Variants in REPS1 observed in about 807,000 individuals in gnomAD.
REPS1 encodes the protein ralBP1-associated Eps domain-containing protein 1.
A neutral mutation model predicts 100.9 loss-of-function variants in REPS1; 39 were observed. The observed-to-expected ratio is 0.39, with a 90% confidence interval of 0.30 to 0.50. REPS1 has a LOEUF of 0.50. Among genes scored for constraint, REPS1 ranks in the 20% least tolerant of loss-of-function variants. REPS1 has a pLI of 0.86. For synonymous variants in REPS1, 324 were observed against 340.3 expected, an observed-to-expected ratio of 0.95 and a Z score of 0.53; for missense variants, 821 against 968.5, an observed-to-expected ratio of 0.85 and a Z score of 2.02.
chr6:138,968,837 C>T (rs1302061692), intron 1 of REPS1, among the ~76,000 whole-genome samples: 2 of 151,976 alleles, frequency 1.3e-5, no homozygotes, highest in African/African-American at 2.4e-5. Flanking sequence ...AATATGAGAA[C>T]GGTGTTAAAA....
At chr6:138,958,519 C>CT (rs397762620) in intron 1 of REPS1, among the ~76,000 whole-genome samples, 1 of 151,766 alleles carries the variant, frequency 6.6e-6, no homozygotes, top group African/African-American at 2.4e-5. Flanking sequence ...CCCAACAGGC[C>CT]TGGTGTGTGT....
At chr6:138,978,649 T>C (rs1168072947) in intron 1 of REPS1, among the ~76,000 whole-genome samples, 1 of 152,122 alleles carries the variant, frequency 6.6e-6, no homozygotes, top group African/African-American at 2.4e-5. Context: ...TGGTGACTCT[T>C]TTCTTAAGTT....
Position 138,976,160 on chromosome 6 carries a change from T to C in REPS1, c.153+11370A>G, listed in dbSNP as rs558656803. Among the ~76,000 whole-genome samples, 5 of 152,282 alleles carry C rather than the reference T, an allele frequency of 3.3e-5. No individual in the cohort carries two copies. The Middle Eastern group carries it at 0.01, about 311-fold the overall frequency. On this transcript the variant is annotated intron_variant, in intron 1 of 19. Coordinates refer to ENST00000450536, the MANE Select transcript of REPS1 (RefSeq NM_001286611.2). ...GAAGTCAAACCTATGATCCTTCCAG[T>C]CACAAATGAGACACCAAAAAAAAAC...
chr6:138,905,821 T>A (rs898865585), intron 19 of REPS1, among the ~76,000 whole-genome samples: 3 of 152,204 alleles, frequency 2.0e-5, no homozygotes, highest in Non-Finnish European at 4.4e-5. Context: ...AACTCCTAGA[T>A]CTCATTTTGA....
At chr6:138,981,432 T>C (rs1419638424) in intron 1 of REPS1, among the ~76,000 whole-genome samples, 5 of 152,202 alleles carry the variant, frequency 3.3e-5, no homozygotes, top group Non-Finnish European at 7.3e-5. Context: ...AAATAAAACC[T>C]ATATAAGGGA....
rs140617448 is a variant in REPS1, at chr6:138,912,789, G to A, written c.1947C>T (p.Ala649=). Residue 649 remains alanine (A), a synonymous_variant, in exon 16 of 20, where the codon GCC becomes GCT. Transcript: ENST00000450536. ...SNVNDEQDDE[A]EKHPEVLPAE... is the part of the protein sequence containing the mutation. ...CCGGCAGGACTTCTGGATGTTTCTC[G>A]GCTTCATCATCTTGTTCGTCGTTTA... 4.1e-4 allele frequency: 659 copies of A among 1,613,968 alleles called. 5 individuals carry two copies. The highest frequency in any genetic ancestry group is 1.0e-4 in the Admixed American group (6 of 59,986).
chr6:138,946,120 C>A (rs1782596612), intron 2 of REPS1, among the ~76,000 whole-genome samples: 1 of 152,146 alleles, frequency 6.6e-6, no homozygotes, highest in Non-Finnish European at 1.5e-5. Flanking sequence ...GACCCCAAAG[C>A]CTAGGCTGCT....
intron 1 of REPS1, among the ~76,000 whole-genome samples, chr6:138,955,746 C>G (rs1783345478): frequency 6.6e-6 from 1 of 152,064 alleles, no homozygotes; most frequent in Admixed American, 6.6e-5. Context: ...AACACCTGTA[C>G]AGATCAACAT....
At position 138,938,888 on chromosome 6, in the gene REPS1, C is replaced by T. The variant is rs191258650; in HGVS notation, c.1135+2447G>A. On this transcript the variant is annotated intron_variant, in intron 8 of 19. Transcript: ENST00000450536. ...TTTTAGATGGAGCCTCACTCTGTCA[C>T]CCAGGCTGGAATGCAGTGGCGTGAT... 1.3e-3 allele frequency among the ~76,000 whole-genome samples: 199 copies of T among 151,792 alleles called. 1 individual carries two copies. The highest frequency in any genetic ancestry group is 3.4e-3 in the Middle Eastern group (1 of 294).
chr6:138,933,580 C>T (rs935892399), intron 8 of REPS1, among the ~76,000 whole-genome samples: 1 of 152,178 alleles, frequency 6.6e-6, no homozygotes, highest in East Asian at 1.9e-4. Flanking sequence ...AACAAAACAA[C>T]ATATCCAACA....
At chr6:138,935,524 T>C (rs1432577252) in intron 8 of REPS1, among the ~76,000 whole-genome samples, 1 of 152,170 alleles carries the variant, frequency 6.6e-6, no homozygotes, top group East Asian at 1.9e-4. Flanking sequence ...CTTAAAAATC[T>C]ACAGAGAAAA....
At chr6:138,933,763 GCTT>G (rs1346385177) in intron 8 of REPS1, among the ~76,000 whole-genome samples, 1 of 151,884 alleles carries the variant, frequency 6.6e-6, no homozygotes, top group Non-Finnish European at 1.5e-5. Context: ...ATTTGTTATT[GCTT>G]TTTTACATAA....
rs10581264 is a variant in REPS1 at position 138,947,035 on chromosome 6, G to GCTCTCTCT, written c.277+747_277+754dup. ...TAAATGTCTGTGGCTATTCCCCCTT[G>GCTCTCTCT]CTCTCTCTCTCTCTCTCTCTCTCTC... On this transcript the variant is annotated intron_variant, in intron 2 of 19. Transcript: ENST00000450536. Among the ~76,000 whole-genome samples, 1,009 of 137,656 alleles carry GCTCTCTCT rather than the reference G, an allele frequency of 7.3e-3. 11 individuals are homozygous for GCTCTCTCT. Among genetic ancestry groups the GCTCTCTCT allele is most frequent in the African/African-American group, 0.018 (626 of 35,466 alleles). 90.3% of individuals were successfully genotyped at this position (137,656 alleles called of 152,430 possible).
intron 10 of REPS1, among the ~76,000 whole-genome samples, chr6:138,922,390 C>T (rs186344974): frequency 7.6e-4 from 116 of 152,250 alleles, no homozygotes; most frequent in Non-Finnish European, 6.5e-4. Context: ...TTTTCTTAAA[C>T]ATTTTTCATT....
chr6:138,980,686 G>GGT (rs1491173266), intron 1 of REPS1, among the ~76,000 whole-genome samples: 1 of 56,536 alleles, frequency 1.8e-5, no homozygotes. Context: ...TGGGTGGGGC[G>GGT]GGGGGGGGGG....
intron 8 of REPS1, among the ~76,000 whole-genome samples, chr6:138,938,219 T>A (rs1781986051): frequency 1.3e-5 from 2 of 152,172 alleles, no homozygotes; most frequent in South Asian, 4.1e-4. Context: ...CTATGAACCT[T>A]AGTAGTTCTA....
intron 1 of REPS1, among the ~76,000 whole-genome samples, chr6:138,969,859 ATTTT>A (rs56070030): frequency 3.0e-4 from 28 of 94,638 alleles, no homozygotes; most frequent in African/African-American, 1.1e-3. Flanking sequence ...GTGAATTGGG[ATTTT>A]TTTTTTTTTT....
chr6:138,955,440 TAA>T (rs71645327), intron 1 of REPS1, among the ~76,000 whole-genome samples: 5 of 97,526 alleles, frequency 5.1e-5, no homozygotes, highest in African/African-American at 8.9e-5. Flanking sequence ...CCTGTCTCTT[TAA>T]AAAAAAAAAA....
chr6:138,976,911 T>C (rs576908621), intron 1 of REPS1, among the ~76,000 whole-genome samples: 8 of 152,358 alleles, frequency 5.3e-5, no homozygotes, highest in African/African-American at 1.9e-4. Flanking sequence ...CAGTACATCA[T>C]CTTTCAAAAT....
Sources: gnomAD v4.1 joint callset for allele counts (sites outside exome capture counted in the v4.1 genomes callset) on GRCh38, gnomAD v4.1.1 for gene constraint, MANE v1.5 for transcripts, NCBI Gene and HGNC (gene_info 2026-07-23, HGNC 2026-07-21) for gene names.